DAPK2: variants seen among roughly 807,000 people sequenced by gnomAD.
The protein encoded by DAPK2 is death-associated protein kinase 2.
DAPK2 carries 35 observed loss-of-function variants against 44.1 expected under a neutral mutation model. The observed-to-expected ratio is 0.79, with a 90% CI of 0.61 to 1.05. The LOEUF (loss-of-function observed/expected upper bound fraction) is 1.05, where lower values mean the gene tolerates loss of function less well. Among genes scored for constraint, DAPK2 ranks in the 50% least tolerant of loss-of-function variants. The pLI is 0.00. For missense variants in DAPK2, 453 were observed against 483.2 expected (o/e 0.94, Z 0.59); for synonymous variants, 174 against 182.6 (o/e 0.95, Z 0.38).
At chr15:63,942,826 C>T (rs1374900216) in intron 3 of DAPK2, among the ~76,000 whole-genome samples, 3 of 152,076 alleles carry the variant, frequency 2.0e-5, no homozygotes, top group Non-Finnish European at 4.4e-5. Flanking sequence ...CCCCAGTTCC[C>T]AAAGTACCCT....
At chr15:64,002,973 C>CGTGTGTGTGTGTGTGTGT (rs1567266632) in intron 1 of DAPK2, among the ~76,000 whole-genome samples, 2 of 75,522 alleles carry the variant, frequency 2.6e-5, no homozygotes, top group African/African-American at 6.0e-5. Flanking sequence ...TGTCGTGGGA[C>CGTGTGTGTGTGTGTGTGT]CTGTGTGTGT....
intron 3 of DAPK2, among the ~76,000 whole-genome samples, chr15:63,969,448 G>A (rs1279489916): frequency 6.7e-6 from 1 of 148,552 alleles, no homozygotes; most frequent in East Asian, 2.0e-4. Flanking sequence ...AAAACAAACT[G>A]ACAATCATGG....
intron 8 of DAPK2, among the ~76,000 whole-genome samples, chr15:63,913,864 G>A (rs1489944880): frequency 6.6e-6 from 1 of 152,170 alleles, no homozygotes; most frequent in Admixed American, 6.5e-5. Flanking sequence ...CAAGGCACAT[G>A]TATGCTCCTT....
chr15:63,911,695 A>C (rs1006325349), intron 10 of DAPK2: 1 of 590,118 alleles, frequency 1.7e-6, no homozygotes, highest in Non-Finnish European at 3.0e-6. Flanking sequence ...CTGCTGCATC[A>C]GTGGTCCCCT....
chr15:63,986,385 T>A (rs1195819465), intron 1 of DAPK2, among the ~76,000 whole-genome samples: 1 of 152,220 alleles, frequency 6.6e-6, no homozygotes, highest in Non-Finnish European at 1.5e-5. Flanking sequence ...CATAAGTCAC[T>A]GATTCAAATG....
chr15:63,909,292 T>C (rs1304178054), intron 10 of DAPK2: 1 of 152,144 alleles, frequency 6.6e-6, no homozygotes, highest in African/African-American at 2.4e-5. Context: ...TGTCCAATGT[T>C]CAATTCCAGT....
At chr15:63,911,589 T>G (rs1020365639) in intron 10 of DAPK2, 1 of 367,588 alleles carries the variant, frequency 2.7e-6, no homozygotes, top group Admixed American at 4.2e-5. Flanking sequence ...TTTTGGGTTA[T>G]CAGAAATACA....
intron 1 of DAPK2, among the ~76,000 whole-genome samples, chr15:64,002,916 CTGTGTGTGTGTGTGTGTGTGTGTG>C (rs3056849): frequency 3.3e-4 from 28 of 86,136 alleles, no homozygotes; most frequent in African/African-American, 1.2e-3. Context: ...GACTGAGACA[CTGTGTGTGTGTGTGTGTGTGTGTG>C]TGTGTGTGTG....
intron 1 of DAPK2, among the ~76,000 whole-genome samples, chr15:64,032,173 G>A (rs12439077): frequency 0.47 from 71,617 of 152,002 alleles, 19,427 homozygotes; most frequent in East Asian, 0.78. Flanking sequence ...CAGGGAGGAC[G>A]ACCGGGAAAA....
intron 1 of DAPK2, among the ~76,000 whole-genome samples, chr15:63,995,508 T>C (rs2078929886): frequency 6.6e-6 from 1 of 152,252 alleles, no homozygotes; most frequent in African/African-American, 2.4e-5. Context: ...TCACTTCGCC[T>C]GCCTGTTACT....
chr15:63,931,859 T>G (rs184878567), intron 4 of DAPK2, among the ~76,000 whole-genome samples: 5 of 152,160 alleles, frequency 3.3e-5, no homozygotes, highest in Admixed American at 3.3e-4. Context: ...AGCCCCGCAG[T>G]GCCCAGAGTG....
rs534890445 is a variant in DAPK2 at position 63,923,058 on chromosome 15, G to A, written c.858+1758C>T. On this transcript the variant is annotated intron_variant, in intron 8 of 10. Transcript: ENST00000261891. The surrounding 1 kb of genome is among the most constrained non-coding windows in gnomAD (Gnocchi z 4.2). The stretch of plus-strand genomic sequence containing the variant: ...TACCTGAGCTGGGACAGGTCATGCC[G>A]GGCGCTCTCATTCTCCTCTCGGTAC... The A allele has an allele frequency of 1.4e-4, 213 of 1,535,726 alleles. 1 individual carries two copies. In the East Asian group the frequency reaches 2.8e-3, roughly 20 times the overall value.
At chr15:63,971,709 T>A in intron 2 of DAPK2, 148 bp from the exon 4 acceptor site, 1 of 854,482 alleles carries the variant, frequency 1.2e-6, no homozygotes, top group Non-Finnish European at 1.8e-6. Context: ...GGGCTTTGTC[T>A]GTCCAGTGCC....
chr15:63,998,242 A>AC (rs2078999261), intron 1 of DAPK2, among the ~76,000 whole-genome samples: 1 of 152,018 alleles, frequency 6.6e-6, no homozygotes, highest in Non-Finnish European at 1.5e-5. Flanking sequence ...GCCCCTCAGT[A>AC]CCCCAGAAAA....
At chr15:63,976,556 A>G (rs2078352437) in intron 2 of DAPK2, among the ~76,000 whole-genome samples, 1 of 145,098 alleles carries the variant, frequency 6.9e-6, no homozygotes, top group African/African-American at 2.5e-5. Flanking sequence ...CTGTCTCTAC[A>G]AAAAAAAAAA....
At chr15:63,979,021 T>C (rs1177603044) in intron 2 of DAPK2, among the ~76,000 whole-genome samples, 1 of 152,154 alleles carries the variant, frequency 6.6e-6, no homozygotes, top group Non-Finnish European at 1.5e-5. Flanking sequence ...CTGGGAAGCA[T>C]CACTGCCACC....
At chr15:63,975,155 G>A (rs2078309932) in intron 2 of DAPK2, among the ~76,000 whole-genome samples, 1 of 152,012 alleles carries the variant, frequency 6.6e-6, no homozygotes, top group Non-Finnish European at 1.5e-5. Context: ...TGCTCCACTG[G>A]GGCTGAAATA....
At chr15:64,015,251 C>A (rs145740385) in intron 1 of DAPK2, among the ~76,000 whole-genome samples, 1 of 152,184 alleles carries the variant, frequency 6.6e-6, no homozygotes, top group Non-Finnish European at 1.5e-5. Context: ...CACAGGACAA[C>A]GACAGCATGT....
chr15:64,028,045 T>TCTATCTATCTAC (rs1555483139), intron 1 of DAPK2, among the ~76,000 whole-genome samples: 29,892 of 151,806 alleles, frequency 0.2, 3,045 homozygotes, highest in South Asian at 0.24. Flanking sequence ...TATCTATCTA[T>TCTATCTATCTAC]CTATCTATCT....
Sources: gnomAD v4.1 joint callset for allele counts (sites outside exome capture counted in the v4.1 genomes callset) on GRCh38, gnomAD v4.1.1 for gene constraint, Gnocchi (gnomAD v3.1) non-coding constraint, MANE v1.5 for transcripts, NCBI Gene and HGNC (gene_info 2026-07-23, HGNC 2026-07-21) for gene names.